PRICKLE1: variants seen among roughly 807,000 people sequenced by gnomAD.
The protein encoded by PRICKLE1 is prickle planar cell polarity protein 1.
In PRICKLE1, 14 loss-of-function variants were observed where a neutral mutation model predicts 70.2. The ratio of observed to expected loss-of-function variants is 0.20; its 90% confidence interval spans 0.13 to 0.31. PRICKLE1 has a LOEUF of 0.31. Ranked by LOEUF, PRICKLE1 falls within the 10% of genes least tolerant of loss-of-function variation. The pLI, the probability that PRICKLE1 is intolerant of heterozygous loss-of-function variation, is 1.00. For synonymous variants in PRICKLE1, 357 were observed against 379.9 expected, an observed-to-expected ratio of 0.94 and a Z score of 0.70; for missense variants, 821 against 1,026.2, an observed-to-expected ratio of 0.80 and a Z score of 2.73.
chr12:42,542,361 T>C (rs1940133293), intron 1 of PRICKLE1, among the ~76,000 whole-genome samples: 3 of 152,080 alleles, frequency 2.0e-5, no homozygotes, highest in Non-Finnish European at 4.4e-5. Context: ...TTTAAAAATT[T>C]ATTTTGCGGC....
Position 42,468,893 on chromosome 12 carries a change from C to T in PRICKLE1, c.385-64G>A, listed in dbSNP as rs149861363. 35 of 1,491,870 alleles carry T rather than the reference C, an allele frequency of 2.3e-5. No individual in the cohort carries two copies. In the African/African-American group the frequency reaches 3.7e-4, roughly 16 times the overall value. The allele number at this position is 1,491,870 out of a possible 1,614,324, so 92.4% of individuals were successfully genotyped here. A position where few individuals can be genotyped will look rare whatever the true frequency, so the allele number is the denominator to read the frequency against. On this transcript the variant is annotated intron_variant, in intron 4 of 7. Coordinates refer to ENST00000345127, the MANE Select transcript of PRICKLE1 (RefSeq NM_153026.3). The stretch of plus-strand genomic sequence containing the variant: ...TTAAAGACAGGATTCTCAGGCTTTC[C>T]TACTTTAGGATAAATCTCGAATTTG...
chr12:42,459,763 C>T lies in PRICKLE1; in HGVS notation c.*46G>A, dbSNP rs147122337. 100 of 1,610,478 alleles carry T rather than the reference C, an allele frequency of 6.2e-5. No individual in the cohort carries two copies. In the South Asian group the frequency reaches 6.9e-4, roughly 11 times the overall value. On this transcript the variant is annotated 3_prime_UTR_variant, in exon 8 of 8. Coordinates refer to ENST00000345127, the MANE Select transcript of PRICKLE1 (RefSeq NM_153026.3). ...ACGGAAGAAAAGGAAACGATTCAGACGGTTAATGGCTAAGTTTTAAACAAA... is the reference window on the plus strand; with the variant it reads ...ACGGAAGAAAAGGAAACGATTCAGATGGTTAATGGCTAAGTTTTAAACAAA...
In PRICKLE1 at chr12:42,464,964, T is replaced by C; in HGVS notation, c.1070A>G (p.Asn357Ser). The C allele has an allele frequency of 3.7e-6, 6 of 1,614,130 alleles. No homozygotes were observed. The highest frequency in any genetic ancestry group is 5.1e-6 in the Non-Finnish European group (6 of 1,180,038). ...GCCTGAGAGGCCAGGAAACTTGTAG[T>C]TCAGAGCAGGCGATAAGAGGAGAGA... The part of the protein sequence containing the change: ...RQSLLLSPAL[N>S]YKFPGLSGNA... Residue 357 changes from asparagine to serine, a missense_variant, in exon 7 of 8, where the codon AAC (asparagine) becomes AGC (serine). Coordinates refer to ENST00000345127, the MANE Select transcript of PRICKLE1 (RefSeq NM_153026.3). This position sits in a 1 kb window ranked among gnomAD's most constrained non-coding sequence, Gnocchi z 4.2.
intron 2 of PRICKLE1, 87 bp downstream of exon 2, chr12:42,472,298 A>C (rs1938353726): frequency 4.2e-6 from 6 of 1,429,052 alleles, no homozygotes; most frequent in Non-Finnish European, 5.9e-6. Flanking sequence ...CATCTCAGTG[A>C]TGTTCTATCC....
At chr12:42,543,429 C>T (rs942132045) in intron 1 of PRICKLE1, among the ~76,000 whole-genome samples, 12 of 150,912 alleles carry the variant, frequency 8.0e-5, no homozygotes, top group African/African-American at 2.7e-4. Flanking sequence ...AACTCCTGAG[C>T]TCAAGTGATC....
chr12:42,537,325 AT>A (rs1476870650), intron 1 of PRICKLE1, among the ~76,000 whole-genome samples: 2 of 151,718 alleles, frequency 1.3e-5, no homozygotes, highest in African/African-American at 4.9e-5. Context: ...TGCTCAGCTA[AT>A]TTAAAAAAAA....
chr12:42,522,845 T>C (rs771349779), intron 1 of PRICKLE1, among the ~76,000 whole-genome samples: 1 of 152,222 alleles, frequency 6.6e-6, no homozygotes, highest in Admixed American at 6.5e-5. Context: ...GAATTTTTAG[T>C]GGACTCTCAT....
At chr12:42,477,476 GTGTGTGTATATATATATATA>G (rs1938602488) in intron 1 of PRICKLE1, among the ~76,000 whole-genome samples, 2 of 30,170 alleles carry the variant, frequency 6.6e-5, no homozygotes, top group Admixed American at 4.6e-4. Flanking sequence ...GTGTGTGTGT[GTGTGTGTATATATATATATA>G]TATATATATA....
At chr12:42,480,779 A>G (rs781607713) in intron 1 of PRICKLE1, among the ~76,000 whole-genome samples, 17 of 152,220 alleles carry the variant, frequency 1.1e-4, no homozygotes, top group Non-Finnish European at 2.4e-4. Context: ...CTTCCAAAGA[A>G]GCAACAACAG....
At chr12:42,539,932 C>A (rs1940080490) in intron 1 of PRICKLE1, among the ~76,000 whole-genome samples, 1 of 152,124 alleles carries the variant, frequency 6.6e-6, no homozygotes, top group Non-Finnish European at 1.5e-5. Context: ...AATCTAATGT[C>A]CTGGAGAATA....
chr12:42,569,988 T>C (rs985637827), intron 1 of PRICKLE1, among the ~76,000 whole-genome samples: 2 of 152,244 alleles, frequency 1.3e-5, no homozygotes, highest in African/African-American at 4.8e-5. Context: ...TCGAAATCAA[T>C]GTCCCAGCGT....
At chr12:42,550,037 G>A (rs1009734993) in intron 1 of PRICKLE1, among the ~76,000 whole-genome samples, 1 of 152,194 alleles carries the variant, frequency 6.6e-6, no homozygotes, top group African/African-American at 2.4e-5. Context: ...ATGCTGAAAT[G>A]CTCCACTGTC....
At chr12:42,527,904 T>C (rs1370020555) in intron 1 of PRICKLE1, among the ~76,000 whole-genome samples, 1 of 137,536 alleles carries the variant, frequency 7.3e-6, no homozygotes, top group Non-Finnish European at 1.5e-5. Context: ...GGAGTTTATA[T>C]ATACTCTTTA....
At chr12:42,570,186 A>G (rs1592037382) in intron 1 of PRICKLE1, among the ~76,000 whole-genome samples, 1 of 152,332 alleles carries the variant, frequency 6.6e-6, no homozygotes, top group East Asian at 1.9e-4. Context: ...AAATTATTTA[A>G]GTTTCACTGT....
In PRICKLE1 at chr12:42,464,991, T is replaced by C. The variant is rs1938034362; in HGVS notation, c.1043A>G (p.Gln348Arg). 2 of 1,612,338 alleles carry C rather than the reference T, an allele frequency of 1.2e-6. No individual in the cohort carries two copies. Among genetic ancestry groups the C allele is most frequent in the Non-Finnish European group, 1.7e-6 (2 of 1,179,386 alleles). ...CAGAGCAGGCGATAAGAGGAGAGAC[T>C]GTCTACACTGATCTGCTGACCGGCT... is the stretch of plus-strand genomic sequence containing the variant. ...KSSRSADQCRQSLLLSPALNY... is the reference protein window; with the variant it reads ...KSSRSADQCRRSLLLSPALNY... The change falls in exon 7 of 8, where the codon CAG becomes CGG. Residue 348 changes from glutamine (Q) to arginine (R), a missense_variant. By Grantham distance (43) the Gln-to-Arg change is conservative. Transcript: ENST00000345127. This position sits in a 1 kb window ranked among gnomAD's most constrained non-coding sequence, Gnocchi z 4.2.
At position 42,458,294 on chromosome 12, in the gene PRICKLE1, C is replaced by G. The variant is rs1341403761; in HGVS notation, c.*1515G>C. 1 of 152,198 alleles carries G rather than the reference C, an allele frequency of 6.6e-6. No homozygotes were observed. Among genetic ancestry groups the G allele is most frequent in the African/African-American group, 2.4e-5 (1 of 41,446 alleles). 9.4% of individuals were successfully genotyped at this position (152,198 alleles called of 1,614,324 possible). On this transcript the variant is annotated 3_prime_UTR_variant, in exon 8 of 8. Coordinates refer to ENST00000345127, the MANE Select transcript of PRICKLE1 (RefSeq NM_153026.3). ...AACTGCAAAATAAATCATGCCTGAA[C>G]ACAGGCACAAAATGGAAGTTATCTG...
At chr12:42,554,976 A>G (rs1412183611) in intron 1 of PRICKLE1, among the ~76,000 whole-genome samples, 1 of 151,752 alleles carries the variant, frequency 6.6e-6, no homozygotes, top group Non-Finnish European at 1.5e-5. Context: ...TTGGGTGGGT[A>G]GCTATCAAAA....
chr12:42,499,256 T>A (rs1939262326), intron 1 of PRICKLE1, among the ~76,000 whole-genome samples: 1 of 152,130 alleles, frequency 6.6e-6, no homozygotes, highest in South Asian at 2.1e-4. Flanking sequence ...AGTTATCAGG[T>A]AATTTGGGAA....
chr12:42,497,439 C>G (rs533648284), intron 1 of PRICKLE1, among the ~76,000 whole-genome samples: 2 of 151,330 alleles, frequency 1.3e-5, no homozygotes, highest in Admixed American at 1.3e-4. Flanking sequence ...GTCCCAGCTA[C>G]TCGGGAGGCT....
Sources: gnomAD v4.1 joint callset for allele counts (sites outside exome capture counted in the v4.1 genomes callset) on GRCh38, gnomAD v4.1.1 for gene constraint, Gnocchi (gnomAD v3.1) non-coding constraint, MANE v1.5 for transcripts, NCBI Gene and HGNC (gene_info 2026-07-23, HGNC 2026-07-21) for gene names.